The following KCNC4 variants were observed in gnomAD, a reference collection of about 807,000 sequenced individuals.
The protein encoded by KCNC4 is voltage-gated potassium channel KCNC4.
A neutral mutation model predicts 42.8 loss-of-function variants in KCNC4; 23 were observed. The observed-to-expected ratio is 0.54, with a 90% confidence interval of 0.39 to 0.76. KCNC4 has a LOEUF of 0.76. Ranked by LOEUF, KCNC4 falls within the 30% of genes least tolerant of loss-of-function variation. KCNC4 has a pLI of 0.00. For synonymous variants in KCNC4, 422 were observed against 393.5 expected, an observed-to-expected ratio of 1.07 and a Z score of -0.86; for missense variants, 751 against 898.2, an observed-to-expected ratio of 0.84 and a Z score of 2.10.
At chr1:110,238,639 G>A (rs1658960612), downstream of KCNC4, 1 of 152,132 alleles carries the variant, frequency 6.6e-6, no homozygotes, top group South Asian at 2.1e-4. Flanking sequence ...ACACCTGCGT[G>A]GCAGTGCCTG....
intron 3 of KCNC4, 100 bp downstream of exon 3, chr1:110,226,278 GGCC>G (rs1557860854): frequency 3.1e-6 from 3 of 954,612 alleles, no homozygotes; most frequent in Non-Finnish European, 5.0e-6. Context: ...CTGAGACCGT[GGCC>G]GCCATCTCCT....
chr1:110,249,924 A>G (rs1659220876), downstream of KCNC4, among the ~76,000 whole-genome samples: 1 of 152,180 alleles, frequency 6.6e-6, no homozygotes. Context: ...GTCCCTAGCA[A>G]CCAGCATTCT....
downstream of KCNC4, chr1:110,235,178 A>G (rs761924975): frequency 5.9e-5 from 9 of 152,226 alleles, no homozygotes; most frequent in Non-Finnish European, 8.8e-5. Flanking sequence ...ATGGCCGAGG[A>G]GAGGGAAGAA....
chr1:110,215,451 CAA>C (rs778926944), intron 1 of KCNC4, among the ~76,000 whole-genome samples: 104 of 152,224 alleles, frequency 6.8e-4, no homozygotes, highest in Non-Finnish European at 1.3e-3. Context: ...TGAGAGCAGA[CAA>C]GAGGCCTGGA....
intron 1 of KCNC4, among the ~76,000 whole-genome samples, chr1:110,212,775 A>T (rs1657562879): frequency 6.6e-6 from 1 of 152,178 alleles, no homozygotes; most frequent in Non-Finnish European, 1.5e-5. Flanking sequence ...GGTTTAAGAA[A>T]GGCATTCTTT....
chr1:110,264,559 A>T (rs6659328), intron 1 of KCNC4, among the ~76,000 whole-genome samples: 1 of 152,014 alleles, frequency 6.6e-6, no homozygotes, highest in Non-Finnish European at 1.5e-5. Flanking sequence ...ACAACTCAGG[A>T]ACATATGTTG....
chr1:110,256,039 G>T (rs902500369), intron 1 of KCNC4, among the ~76,000 whole-genome samples: 1 of 152,196 alleles, frequency 6.6e-6, no homozygotes, highest in Admixed American at 6.5e-5. Flanking sequence ...TCTGCAGGAG[G>T]CTGGGGGAGG....
At chr1:110,250,976 C>T (rs75794358), downstream of KCNC4, among the ~76,000 whole-genome samples, 1,130 of 152,210 alleles carry the variant, frequency 7.4e-3, 16 homozygotes, top group African/African-American at 0.025. Context: ...TTCTGGGGGA[C>T]GGGACTAGGG....
chr1:110,261,598 T>C (rs866858198), intron 1 of KCNC4, among the ~76,000 whole-genome samples: 16 of 152,088 alleles, frequency 1.1e-4, no homozygotes, highest in South Asian at 4.1e-4. Context: ...ATAGAAAAAG[T>C]ATTGACTGGA....
At chr1:110,230,817 TG>T (rs906012227) in intron 3 of KCNC4, among the ~76,000 whole-genome samples, 2 of 152,190 alleles carry the variant, frequency 1.3e-5, no homozygotes, top group African/African-American at 4.8e-5. Flanking sequence ...CCCAGGGCCC[TG>T]GGAAAGGGCA....
intron 1 of KCNC4, among the ~76,000 whole-genome samples, chr1:110,267,227 G>A (rs74115832): frequency 0.067 from 10,146 of 152,202 alleles, 1,127 homozygotes; most frequent in African/African-American, 0.23. Context: ...CTGGACTCCA[G>A]GTTGCTCAGG....
At position 110,281,555 on chromosome 1, in the gene KCNC4, AACACAC is replaced by A. The variant is rs55839432; in HGVS notation, n.31-949_31-944del. ...TTATCTGACTCCCCACATATGTAAA[AACACAC>A]ACACACACACACACACACACACACA... is the stretch of plus-strand genomic sequence containing the variant. On this transcript the variant is annotated intron_variant and non_coding_transcript_variant, in intron 1 of 2. Coordinates refer to the KCNC4 transcript ENST00000412512. Among the ~76,000 whole-genome samples, 19 of 140,442 alleles carry A rather than the reference AACACAC, an allele frequency of 1.4e-4. No homozygotes were observed. In the East Asian group the frequency reaches 2.3e-3, roughly 17 times the overall value. 92.1% of individuals were successfully genotyped at this position (140,442 alleles called of 152,430 possible).
At chr1:110,282,198 A>G (rs1031788342) in intron 1 of KCNC4, among the ~76,000 whole-genome samples, 6 of 152,356 alleles carry the variant, frequency 3.9e-5, no homozygotes, top group East Asian at 1.9e-4. Flanking sequence ...AATTATCTCA[A>G]TCACTCCCTG....
At chr1:110,236,423 G>C (rs1658909754), downstream of KCNC4, 1 of 152,194 alleles carries the variant, frequency 6.6e-6, no homozygotes, top group Admixed American at 6.5e-5. Context: ...AACCTCCAGT[G>C]TAGGAGTTTG....
At chr1:110,268,610 G>GAAAAAAAAA (rs1177241176) in intron 1 of KCNC4, among the ~76,000 whole-genome samples, 8 of 82,028 alleles carry the variant, frequency 9.8e-5, no homozygotes, top group African/African-American at 2.7e-4. Context: ...TGTCTCAAAA[G>GAAAAAAAAA]AAAAAAAAAA....
At chr1:110,224,548 G>C (rs1006609206) in intron 2 of KCNC4, 2 of 152,472 alleles carry the variant, frequency 1.3e-5, no homozygotes, top group Non-Finnish European at 2.9e-5. Flanking sequence ...GGATGGAAAG[G>C]AACTGAGGAA....
rs1374026643 is a variant in KCNC4, at chr1:110,223,339, G to A, written c.1054G>A (p.Val352Met). The change falls in exon 2 of 4, where the codon GTG (valine) becomes ATG (methionine). Residue 352 changes from valine (V) to methionine (M), a missense_variant. Coordinates refer to ENST00000438661, the MANE Select transcript of KCNC4 (RefSeq NM_001039574.3). The surrounding 1 kb of genome is among the most constrained non-coding windows in gnomAD (Gnocchi z 7.5). ...GGGCTTCCTGCGCGTGGTGCGCTTC[G>A]TGCGCATCCTGCGTATCTTCAAGCT... Reference protein sequence around the residue: ...VLGFLRVVRFVRILRIFKLTR... With the variant: ...VLGFLRVVRFMRILRIFKLTR... The A allele has an allele frequency of 3.1e-6, 5 of 1,613,804 alleles. No individual in the cohort carries two copies. Among genetic ancestry groups the A allele is most frequent in the East Asian group, 2.2e-5 (1 of 44,882 alleles).
At chr1:110,215,269 T>C (rs1657725902) in intron 1 of KCNC4, among the ~76,000 whole-genome samples, 1 of 152,186 alleles carries the variant, frequency 6.6e-6, no homozygotes, top group African/African-American at 2.4e-5. Context: ...CCTGCTCCAC[T>C]GTGCTGGGCC....
Position 110,225,920 on chromosome 1 carries a change from T to A in KCNC4, c.1616-55T>A. The A allele has an allele frequency of 2.7e-6, 4 of 1,496,286 alleles. No individual in the cohort carries two copies. In the South Asian group the frequency reaches 5.1e-5, roughly 19 times the overall value. 92.7% of individuals were successfully genotyped at this position (1,496,286 alleles called of 1,614,324 possible). A position where few individuals can be genotyped will look rare whatever the true frequency, so the allele number is the denominator to read the frequency against. ...GGTCTGGGAGACCCCAGATGACCCA[T>A]GAGCAAGGCTCAGGTCGCCCCTCAT... On this transcript the variant is annotated intron_variant, in intron 2 of 3. Coordinates refer to ENST00000438661, the MANE Select transcript of KCNC4 (RefSeq NM_001039574.3).
Sources: allele counts gnomAD v4.1 joint callset (sites outside exome capture counted in the v4.1 genomes callset), GRCh38; gene constraint gnomAD v4.1.1; non-coding constraint Gnocchi (gnomAD v3.1); transcripts MANE v1.5; gene names NCBI Gene and HGNC (gene_info 2026-07-23, HGNC 2026-07-21).